Variants in SOX6 observed in about 807,000 individuals in gnomAD.
SOX6 encodes SRY-box transcription factor 6.
A neutral mutation model predicts 97.8 loss-of-function variants in SOX6; 11 were observed. The ratio of observed to expected loss-of-function variants is 0.11; its 90% CI spans 0.07 to 0.19. SOX6 has a LOEUF of 0.19. SOX6 is among the 10% of genes least tolerant of loss of function. SOX6 has a pLI of 1.00. For missense variants in SOX6, 810 were observed against 1,039.5 expected (o/e 0.78, Z 3.04); for synonymous variants, 360 against 371.4 (o/e 0.97, Z 0.35).
intron 1 of SOX6, among the ~76,000 whole-genome samples, chr11:16,436,881 A>G (rs1331358462): frequency 6.6e-6 from 1 of 152,026 alleles, no homozygotes; most frequent in Non-Finnish European, 1.5e-5. Flanking sequence ...TCTGTCCCCA[A>G]ACTATCATCT....
intron 9 of SOX6, 103 bp downstream of exon 9, chr11:16,095,893 T>G (rs1232151793): frequency 7.9e-7 from 1 of 1,267,184 alleles, no homozygotes; most frequent in African/African-American, 1.5e-5. Flanking sequence ...GTTCAGTGTT[T>G]AGGTTGAGTG....
intron 3 of SOX6, among the ~76,000 whole-genome samples, chr11:16,703,801 C>T (rs1043902277): frequency 6.6e-6 from 1 of 152,138 alleles, no homozygotes; most frequent in Non-Finnish European, 1.5e-5. Context: ...CTCTTAATAG[C>T]ACCACTGTGT....
chr11:16,647,334 T>A (rs866346321), intron 3 of SOX6, among the ~76,000 whole-genome samples: 1 of 152,226 alleles, frequency 6.6e-6, no homozygotes. Context: ...TATGTCCATT[T>A]ATTTAATGGT....
At chr11:16,389,629 T>C (rs1423250706) in intron 1 of SOX6, among the ~76,000 whole-genome samples, 1 of 152,110 alleles carries the variant, frequency 6.6e-6, no homozygotes, top group Non-Finnish European at 1.5e-5. Flanking sequence ...CACTATGCTG[T>C]GGAGACTCTA....
intron 6 of SOX6, among the ~76,000 whole-genome samples, chr11:16,176,563 C>T (rs114489196): frequency 0.011 from 1,617 of 151,974 alleles, 31 homozygotes; most frequent in African/African-American, 0.037. Context: ...CAGCCATATA[C>T]ACACCTCCCA....
chr11:16,657,919 T>C (rs1275345698), intron 3 of SOX6, among the ~76,000 whole-genome samples: 2 of 152,268 alleles, frequency 1.3e-5, no homozygotes, highest in Non-Finnish European at 2.9e-5. Context: ...GAGTCATCCA[T>C]GTTATAGCAC....
chr11:16,520,414 G>A (rs1173295712), intron 4 of SOX6, among the ~76,000 whole-genome samples: 1 of 152,198 alleles, frequency 6.6e-6, no homozygotes, highest in Admixed American at 6.5e-5. Flanking sequence ...TTCTGCATAT[G>A]GCTAGCCATC....
chr11:16,548,429 T>C (rs1474963557), intron 4 of SOX6, among the ~76,000 whole-genome samples: 8 of 152,080 alleles, frequency 5.3e-5, no homozygotes, highest in Non-Finnish European at 1.0e-4. Flanking sequence ...TGGAGCTCCA[T>C]AGGCAAAACA....
At chr11:16,070,808 C>A (rs532945872) in intron 9 of SOX6, among the ~76,000 whole-genome samples, 1 of 152,262 alleles carries the variant, frequency 6.6e-6, no homozygotes, top group East Asian at 1.9e-4. Flanking sequence ...GGGACCTGTG[C>A]AAGACTAGGA....
rs975412499 is a variant in SOX6 at position 15,989,112 on chromosome 11, G to T, written c.1851C>A (p.Ser617Arg). The T allele has an allele frequency of 6.2e-7, 1 of 1,614,140 alleles. No homozygotes were observed. Reference sequence around the variant, plus strand: ...TCATTGGTCGCTTAATGTGTGGCTCGCTGCTGGCACGGCCGCGGGCGTCCC... The same window carrying T: ...TCATTGGTCGCTTAATGTGTGGCTCTCTGCTGGCACGGCCGCGGGCGTCCC... ...VYRDARGRAS[S>R]EPHIKRPMNA... The change falls in exon 14 of 16, where the codon AGC (serine) becomes AGA (arginine). Residue 617 changes from serine to arginine, a missense_variant. By Grantham distance (110) the Ser-to-Arg change is moderately radical. Transcript: ENST00000683767.
At chr11:16,693,968 T>C (rs1465647595) in intron 3 of SOX6, among the ~76,000 whole-genome samples, 1 of 152,222 alleles carries the variant, frequency 6.6e-6, no homozygotes, top group East Asian at 1.9e-4. Context: ...TGTAACATTC[T>C]ATGCTAGAGA....
intron 1 of SOX6, among the ~76,000 whole-genome samples, chr11:16,413,265 T>G (rs879261036): frequency 4.6e-5 from 7 of 152,136 alleles, no homozygotes; most frequent in African/African-American, 7.2e-5. Flanking sequence ...TTCGATAACT[T>G]TTGTCCCTTC....
Position 16,046,678 on chromosome 11 carries a change from G to C in SOX6, c.1459C>G (p.Pro487Ala), listed in dbSNP as rs1855843753. The C allele has an allele frequency of 6.2e-7, 1 of 1,613,432 alleles. No individual in the cohort carries two copies. The highest frequency in any genetic ancestry group is 1.7e-5 in the Admixed American group (1 of 59,936). ...GTATCCTGATCCCCAAAAAGGGCAG[G>C]GGAGTTGAGACTAGATAGGATATCT... The part of the protein sequence containing the change: ...SLDILSSLNS[P>A]ALFGDQDTVM... Residue 487 changes from proline (P) to alanine (A), a missense_variant, in exon 12 of 16, where the codon CCT becomes GCT. This residue lies in a region of SOX6 where 14 missense variants were observed against 36.0 expected (regional missense o/e 0.39). Coordinates refer to ENST00000683767, the MANE Select transcript of SOX6 (RefSeq NM_001367873.1).
At chr11:16,651,906 G>T (rs556383031) in intron 3 of SOX6, among the ~76,000 whole-genome samples, 2 of 151,952 alleles carry the variant, frequency 1.3e-5, no homozygotes, top group South Asian at 4.1e-4. Flanking sequence ...TCATAGATCT[G>T]ATAAGTAAAG....
intron 6 of SOX6, among the ~76,000 whole-genome samples, chr11:16,172,547 T>C (rs1273278897): frequency 1.3e-5 from 2 of 152,034 alleles, no homozygotes; most frequent in African/African-American, 4.8e-5. Flanking sequence ...GACCCTTCAA[T>C]GGTTTGAAAT....
At chr11:16,096,652 T>C (rs1419645489) in intron 8 of SOX6, among the ~76,000 whole-genome samples, 1 of 151,866 alleles carries the variant, frequency 6.6e-6, no homozygotes, top group Admixed American at 6.6e-5. Context: ...GTTGTATACT[T>C]TTTATGTTCA....
At chr11:16,335,413 T>A (rs1377162864) in intron 2 of SOX6, among the ~76,000 whole-genome samples, 2 of 152,158 alleles carry the variant, frequency 1.3e-5, no homozygotes, top group East Asian at 3.9e-4. Flanking sequence ...ATCACAAAGG[T>A]GTACATAAAT....
At chr11:16,659,765 C>G (rs1847751817) in intron 3 of SOX6, among the ~76,000 whole-genome samples, 1 of 151,960 alleles carries the variant, frequency 6.6e-6, no homozygotes, top group Non-Finnish European at 1.5e-5. Flanking sequence ...GGGCCTGGTA[C>G]TTTGTATTTG....
At chr11:16,438,864 C>A (rs754121886) in intron 1 of SOX6, among the ~76,000 whole-genome samples, 7 of 152,148 alleles carry the variant, frequency 4.6e-5, no homozygotes, top group Non-Finnish European at 7.4e-5. Flanking sequence ...CTCCTGATAC[C>A]TCTTCCAGCT....
Sources: gnomAD v4.1 joint callset for allele counts (sites outside exome capture counted in the v4.1 genomes callset) on GRCh38, gnomAD v4.1.1 for gene constraint, gnomAD v4.1.1 regional missense constraint, MANE v1.5 for transcripts, NCBI Gene and HGNC (gene_info 2026-07-23, HGNC 2026-07-21) for gene names.